AGAP1: variants seen among roughly 807,000 people sequenced by gnomAD.
AGAP1 encodes the protein ArfGAP with GTPase domain, ankyrin repeat and PH domain 1, also known as arf-GAP with GTPase, ANK repeat and PH domain-containing protein 1.
AGAP1 carries 29 observed loss-of-function variants against 105.3 expected under a neutral mutation model. That is an observed-to-expected ratio of 0.28 (90% CI 0.21 to 0.38). AGAP1 has a LOEUF of 0.38. Among genes scored for constraint, AGAP1 ranks in the 10% least tolerant of loss-of-function variants. The pLI is 1.00. For missense variants in AGAP1, 998 were observed against 1,165.1 expected (o/e 0.86, Z 2.09); for synonymous variants, 509 against 485.9 (o/e 1.05, Z -0.63).
In AGAP1 at chr2:235,952,678, C is replaced by G. The variant is rs574020680; in HGVS notation, c.1484-15784C>G. Among the ~76,000 whole-genome samples the G allele has an allele frequency of 1.1e-4, 16 of 152,142 alleles. No homozygotes were observed. The South Asian group carries it at 2.9e-3, about 28-fold the overall frequency. On this transcript the variant is annotated intron_variant, in intron 12 of 17. Coordinates refer to ENST00000304032, the MANE Select transcript of AGAP1 (RefSeq NM_001037131.3). ...CCCAGGGCCTTAAACAGTGCCTCCCCCTGAGTGGCCCTGGGTAGTTGTTGA... is the reference window on the plus strand; with the variant it reads ...CCCAGGGCCTTAAACAGTGCCTCCCGCTGAGTGGCCCTGGGTAGTTGTTGA...
chr2:235,997,115 G>A (rs551076074), intron 13 of AGAP1, among the ~76,000 whole-genome samples: 1 of 152,288 alleles, frequency 6.6e-6, no homozygotes, highest in South Asian at 2.1e-4. Flanking sequence ...TTGTTACGGA[G>A]TTTCACTCTT....
intron 16 of AGAP1, among the ~76,000 whole-genome samples, chr2:236,074,934 T>C (rs1243594048): frequency 6.6e-6 from 1 of 152,098 alleles, no homozygotes; most frequent in African/African-American, 2.4e-5. Flanking sequence ...ACGCGTGTAG[T>C]CCTAGCTACT....
At chr2:235,848,028 C>G (rs1258398001) in intron 9 of AGAP1, among the ~76,000 whole-genome samples, 1 of 152,202 alleles carries the variant, frequency 6.6e-6, no homozygotes, top group Non-Finnish European at 1.5e-5. Context: ...CATTCACAGC[C>G]TCCTGAGTGA....
intron 11 of AGAP1, among the ~76,000 whole-genome samples, chr2:235,928,948 C>G (rs967438084): frequency 3.9e-5 from 6 of 152,210 alleles, no homozygotes; most frequent in African/African-American, 1.4e-4. Context: ...ATGGGAGCAC[C>G]ACATGGCACT....
chr2:236,053,439 C>A lies in AGAP1; in HGVS notation c.2114+4158C>A, dbSNP rs1485950085. On this transcript the variant is annotated intron_variant, in intron 16 of 17. Coordinates refer to ENST00000304032, the MANE Select transcript of AGAP1 (RefSeq NM_001037131.3). The surrounding 1 kb of genome is among the most constrained non-coding windows in gnomAD (Gnocchi z 4.6). The stretch of plus-strand genomic sequence containing the variant: ...CCGTCCACGCACATCCTCTCTCCCT[C>A]GCGGTACAGCAGTGTTTCCGGGGCT... 1.3e-5 allele frequency among the ~76,000 whole-genome samples: 2 copies of A among 152,334 alleles called. No homozygotes were observed. Among genetic ancestry groups the A allele is most frequent in the African/African-American group, 2.4e-5 (1 of 41,586 alleles).
chr2:235,628,158 A>G (rs1379037071), intron 1 of AGAP1, among the ~76,000 whole-genome samples: 1 of 151,976 alleles, frequency 6.6e-6, no homozygotes, highest in Non-Finnish European at 1.5e-5. Flanking sequence ...TTCAGTGGTG[A>G]GCGGATGGGG....
chr2:235,776,901 C>G (rs2149895943), intron 6 of AGAP1: 1 of 470,640 alleles, frequency 2.1e-6, no homozygotes, highest in African/African-American at 2.0e-5. Flanking sequence ...ACCTCTCTGG[C>G]TTTTCCGCCA....
At chr2:236,037,955 T>G (rs578220957) in intron 14 of AGAP1, among the ~76,000 whole-genome samples, 8 of 152,358 alleles carry the variant, frequency 5.3e-5, no homozygotes, top group African/African-American at 1.7e-4. Flanking sequence ...CTGCCTATGA[T>G]TTATGTGCAG....
rs531080386 is a variant in AGAP1 at position 235,937,977 on chromosome 2, C to T, written c.1483+7054C>T. Among the ~76,000 whole-genome samples, 7 of 152,358 alleles carry T rather than the reference C, an allele frequency of 4.6e-5. No individual in the cohort carries two copies. In the East Asian group the frequency reaches 7.7e-4, roughly 17 times the overall value. On this transcript the variant is annotated intron_variant, in intron 12 of 17. Transcript: ENST00000304032. ...GTTGCACAGTAATTCAGTAAGAATC[C>T]TTCCCAAAGAAAGGAAAGCCGGTTT...
chr2:235,587,968 G>A (rs1407378891), intron 1 of AGAP1, among the ~76,000 whole-genome samples: 3 of 151,990 alleles, frequency 2.0e-5, no homozygotes, highest in Admixed American at 6.6e-5. Context: ...GGTGGCTCAC[G>A]CCTGTAATCC....
rs1323187113 is a variant in AGAP1, at chr2:236,050,555, C to T, written c.2114+1274C>T. Among the ~76,000 whole-genome samples the T allele has an allele frequency of 3.3e-5, 5 of 152,194 alleles. No homozygotes were observed. In the East Asian group the frequency reaches 5.8e-4, roughly 18 times the overall value. On this transcript the variant is annotated intron_variant, in intron 16 of 17. Transcript: ENST00000304032. This position sits in a 1 kb window ranked among gnomAD's most constrained non-coding sequence, Gnocchi z 4.0. ...ATGCTACCATAGAAATCAGCTGGGT[C>T]ATCAACTGTGAACAAGCTTAAAAGA...
intron 16 of AGAP1, among the ~76,000 whole-genome samples, chr2:236,117,635 T>C (rs956773276): frequency 6.6e-6 from 1 of 152,206 alleles, no homozygotes; most frequent in African/African-American, 2.4e-5. Flanking sequence ...GTTGTGGGAT[T>C]TTAATGTCTA....
chr2:235,672,057 A>T (rs892813172), intron 1 of AGAP1, among the ~76,000 whole-genome samples: 17 of 152,134 alleles, frequency 1.1e-4, no homozygotes, highest in African/African-American at 4.1e-4. Context: ...ACCAAAAAAA[A>T]AAATATTATT....
intron 9 of AGAP1, among the ~76,000 whole-genome samples, chr2:235,837,753 G>T (rs1239212290): frequency 6.6e-6 from 1 of 152,164 alleles, no homozygotes; most frequent in Non-Finnish European, 1.5e-5. Context: ...TTAGGTCATA[G>T]TAACTCCATA....
chr2:235,535,791 G>A lies in AGAP1; in HGVS notation c.163+40942G>A, dbSNP rs1304728504. 6.6e-6 allele frequency among the ~76,000 whole-genome samples: 1 copy of A among 152,000 alleles called. No homozygotes were observed. Among genetic ancestry groups the A allele is most frequent in the Non-Finnish European group, 1.5e-5 (1 of 68,002 alleles). On this transcript the variant is annotated intron_variant, in intron 1 of 17. Transcript: ENST00000304032. The surrounding 1 kb of genome is among the most constrained non-coding windows in gnomAD (Gnocchi z 5.1). ...GTGACATGCAGTGGGCTCAGTCTCTGCATAGCCCGGCAGGCAGCGGCTCTG... is the reference window on the plus strand; with the variant it reads ...GTGACATGCAGTGGGCTCAGTCTCTACATAGCCCGGCAGGCAGCGGCTCTG...
At chr2:235,972,303 C>CTA (rs1207619583) in intron 13 of AGAP1, among the ~76,000 whole-genome samples, 1 of 152,150 alleles carries the variant, frequency 6.6e-6, no homozygotes, top group Non-Finnish European at 1.5e-5. Flanking sequence ...GTTCAAATCT[C>CTA]TTTAGAGTAT....
chr2:236,004,179 G>A (rs1011810611), intron 13 of AGAP1, among the ~76,000 whole-genome samples: 1 of 152,136 alleles, frequency 6.6e-6, no homozygotes, highest in South Asian at 2.1e-4. Flanking sequence ...CCTGACTGTG[G>A]CAGTTGGGGG....
chr2:235,720,776 G>A lies in AGAP1; in HGVS notation c.310+3132G>A, dbSNP rs1488794472. ...TGGGATATGTAGACTGCTGGGAGGGGTGAGGGTGAGGGCCTTCCTGTCTTC... is the reference window on the plus strand; with the variant it reads ...TGGGATATGTAGACTGCTGGGAGGGATGAGGGTGAGGGCCTTCCTGTCTTC... On this transcript the variant is annotated intron_variant, in intron 3 of 17. Coordinates refer to ENST00000304032, the MANE Select transcript of AGAP1 (RefSeq NM_001037131.3). The surrounding 1 kb of genome is among the most constrained non-coding windows in gnomAD (Gnocchi z 5.0). The A allele has an allele frequency of 4.5e-6, 4 of 894,308 alleles. No individual in the cohort carries two copies. The highest frequency in any genetic ancestry group is 5.4e-6 in the Non-Finnish European group (4 of 747,168). 55.4% of individuals were successfully genotyped at this position (894,308 alleles called of 1,614,324 possible). A position where few individuals can be genotyped will look rare whatever the true frequency, so the allele number is the denominator to read the frequency against.
chr2:235,617,436 TCA>T (rs1946343595), intron 1 of AGAP1, among the ~76,000 whole-genome samples: 1 of 152,192 alleles, frequency 6.6e-6, no homozygotes, highest in African/African-American at 2.4e-5. Context: ...GTGCGGTGGC[TCA>T]CACCTGTAAT....
Sources: gnomAD v4.1 joint callset for allele counts (sites outside exome capture counted in the v4.1 genomes callset) on GRCh38, gnomAD v4.1.1 for gene constraint, Gnocchi (gnomAD v3.1) non-coding constraint, MANE v1.5 for transcripts, NCBI Gene and HGNC (gene_info 2026-07-23, HGNC 2026-07-21) for gene names.